The following BNC2 variants were observed in gnomAD, a reference collection of about 807,000 sequenced individuals.
BNC2 encodes basonuclin zinc finger protein 2.
BNC2 carries 20 observed loss-of-function variants against 76.3 expected under a neutral mutation model. The ratio of observed to expected loss-of-function variants is 0.26; its 90% CI spans 0.18 to 0.38. BNC2 has a LOEUF of 0.38. Ranked by LOEUF, BNC2 falls within the 10% of genes least tolerant of loss-of-function variation. The pLI is 1.00. For missense variants in BNC2, 1,382 were observed against 1,399.8 expected (o/e 0.99, Z 0.20); for synonymous variants, 582 against 514.8 (o/e 1.13, Z -1.77).
At chr9:16,837,414 G>T (rs1281435090) in intron 1 of BNC2, among the ~76,000 whole-genome samples, 1 of 152,168 alleles carries the variant, frequency 6.6e-6, no homozygotes, top group Admixed American at 6.5e-5. Flanking sequence ...TGAGGCAGGA[G>T]AATCACTTGA....
intron 3 of BNC2, among the ~76,000 whole-genome samples, chr9:16,586,439 C>T (rs1819773012): frequency 6.6e-6 from 1 of 152,190 alleles, no homozygotes; most frequent in South Asian, 2.1e-4. Context: ...CCACACGTGC[C>T]TGAAACTGTC....
intron 3 of BNC2, among the ~76,000 whole-genome samples, chr9:16,634,502 C>CTT (rs544660364): frequency 0.12 from 15,990 of 135,898 alleles, 1,604 homozygotes; most frequent in African/African-American, 0.26. Context: ...CTTCAAATAT[C>CTT]TTTTTTTTTT....
At chr9:16,526,837 T>G (rs560922802) in intron 5 of BNC2, among the ~76,000 whole-genome samples, 19 of 152,222 alleles carry the variant, frequency 1.2e-4, no homozygotes, top group African/African-American at 4.6e-4. Context: ...GTACCATCCA[T>G]GAAAAAACTT....
At chr9:16,482,489 CA>C (rs1822078430) in intron 5 of BNC2, among the ~76,000 whole-genome samples, 1 of 151,464 alleles carries the variant, frequency 6.6e-6, no homozygotes, top group African/African-American at 2.4e-5. Flanking sequence ...TATTGAACAA[CA>C]AAAGAAGGAA....
chr9:16,844,642 G>A (rs1262146776), intron 1 of BNC2, among the ~76,000 whole-genome samples: 3 of 151,988 alleles, frequency 2.0e-5, no homozygotes, highest in Non-Finnish European at 4.4e-5. Flanking sequence ...GGGACTACAG[G>A]CACCCGCCAC....
At chr9:16,703,497 G>GA (rs907565233) in intron 3 of BNC2, among the ~76,000 whole-genome samples, 1 of 88,416 alleles carries the variant, frequency 1.1e-5, no homozygotes, top group African/African-American at 2.7e-5. Context: ...TAGAATATAA[G>GA]AAAAAAATAT....
At chr9:16,666,126 T>A (rs1822281601) in intron 3 of BNC2, among the ~76,000 whole-genome samples, 1 of 152,238 alleles carries the variant, frequency 6.6e-6, no homozygotes, top group Non-Finnish European at 1.5e-5. Flanking sequence ...TGAATTCATA[T>A]TTCAATAAAT....
chr9:16,486,969 A>G (rs1822177402), intron 5 of BNC2, among the ~76,000 whole-genome samples: 1 of 152,166 alleles, frequency 6.6e-6, no homozygotes, highest in African/African-American at 2.4e-5. Context: ...TTGGCCTCAA[A>G]AAGTACCAAA....
Position 16,419,514 on chromosome 9 carries a change from G to T in BNC2, c.2775C>A (p.His925Gln), listed in dbSNP as rs576728040. 2 of 1,614,136 alleles carry T rather than the reference G, an allele frequency of 1.2e-6. No individual in the cohort carries two copies. The highest frequency in any genetic ancestry group is 1.7e-6 in the Non-Finnish European group (2 of 1,180,028). ...CTTCCCTGACATCGAGCCCCATGGGGTGCTGGGCACCATATATCTTCACCA... is the reference window on the plus strand; with the variant it reads ...CTTCCCTGACATCGAGCCCCATGGGTTGCTGGGCACCATATATCTTCACCA... ...EFLVKIYGAQ[H>Q]PMGLDVREDA... The change falls in exon 7 of 7, where the codon CAC becomes CAA. Residue 925 changes from histidine to glutamine, a missense_variant. By Grantham distance (24) the His-to-Gln change is conservative. This residue lies in a region of BNC2 where 798 missense variants were observed against 775.5 expected (regional missense o/e 1.03). Coordinates refer to ENST00000380672, the MANE Select transcript of BNC2 (RefSeq NM_017637.6).
chr9:16,820,804 G>C (rs530746531), intron 1 of BNC2, among the ~76,000 whole-genome samples: 1 of 149,826 alleles, frequency 6.7e-6, no homozygotes, highest in Admixed American at 6.6e-5. Context: ...GTGTATAAAG[G>C]GAAAAAAAAA....
In BNC2 at chr9:16,708,350, C is replaced by G. The variant is rs148142877; in HGVS notation, c.330+19447G>C. Among the ~76,000 whole-genome samples the G allele has an allele frequency of 1.2e-4, 19 of 152,292 alleles. 1 individual carries two copies. The East Asian group carries it at 3.3e-3, about 26-fold the overall frequency. On this transcript the variant is annotated intron_variant, in intron 3 of 6. Coordinates refer to ENST00000380672, the MANE Select transcript of BNC2 (RefSeq NM_017637.6). ...AAATAGGTGAAAGTTTTCTCATGAA[C>G]TTCTATTAAAAACAGGACATGCATG...
At chr9:16,660,557 A>G (rs1296236858) in intron 3 of BNC2, among the ~76,000 whole-genome samples, 1 of 152,202 alleles carries the variant, frequency 6.6e-6, no homozygotes, top group African/African-American at 2.4e-5. Context: ...ATCCAATAGC[A>G]CGGACTATAA....
chr9:16,790,039 G>T (rs564653499), intron 1 of BNC2, among the ~76,000 whole-genome samples: 1 of 152,102 alleles, frequency 6.6e-6, no homozygotes, highest in East Asian at 1.9e-4. Flanking sequence ...TCGCTCTGTC[G>T]CCTAGGCTGG....
At chr9:16,791,968 T>C (rs1488552259) in intron 1 of BNC2, among the ~76,000 whole-genome samples, 2 of 151,840 alleles carry the variant, frequency 1.3e-5, no homozygotes, top group Non-Finnish European at 2.9e-5. Context: ...CAGGTGTGGT[T>C]GCTCGTGCCT....
intron 4 of BNC2, among the ~76,000 whole-genome samples, chr9:16,559,639 T>G (rs1047976646): frequency 6.6e-6 from 1 of 152,200 alleles, no homozygotes; most frequent in African/African-American, 2.4e-5. Context: ...TGCCCATCAC[T>G]CTGCTGAAGC....
chr9:16,563,451 T>G (rs1050943792), intron 4 of BNC2, among the ~76,000 whole-genome samples: 1 of 151,694 alleles, frequency 6.6e-6, no homozygotes, highest in Non-Finnish European at 1.5e-5. Flanking sequence ...AAACCCTGTA[T>G]CTACCAAAAA....
At chr9:16,441,929 A>G (rs1304053287) in intron 5 of BNC2, among the ~76,000 whole-genome samples, 1 of 152,240 alleles carries the variant, frequency 6.6e-6, no homozygotes, top group Non-Finnish European at 1.5e-5. Context: ...CTGTTAGGCT[A>G]GGACGAAGAT....
chr9:16,677,606 C>CACACACACACACACACACACACAG (rs1455196025), intron 3 of BNC2, among the ~76,000 whole-genome samples: 4 of 151,278 alleles, frequency 2.6e-5, no homozygotes, highest in African/African-American at 9.8e-5. Flanking sequence ...CACACACACA[C>CACACACACACACACACACACACAG]AGTAGCAATA....
chr9:16,753,266 T>C (rs1825275342), intron 1 of BNC2, among the ~76,000 whole-genome samples: 1 of 152,242 alleles, frequency 6.6e-6, no homozygotes. Context: ...GGTAAATTTC[T>C]ATATAAATTT....
Sources: gnomAD v4.1 joint callset for allele counts (sites outside exome capture counted in the v4.1 genomes callset) on GRCh38, gnomAD v4.1.1 for gene constraint, gnomAD v4.1.1 regional missense constraint, MANE v1.5 for transcripts, NCBI Gene and HGNC (gene_info 2026-07-23, HGNC 2026-07-21) for gene names.